Variants in SEC11A observed in about 807,000 individuals in gnomAD.
The protein encoded by SEC11A is SEC11 homolog A, signal peptidase complex subunit.
In SEC11A, 14 loss-of-function variants were observed where a neutral mutation model predicts 25.6. That is an observed-to-expected ratio of 0.55 (90% CI 0.36 to 0.85). The LOEUF is 0.85. Among genes scored for constraint, SEC11A ranks in the 40% least tolerant of loss-of-function variants. The pLI, the probability that SEC11A is intolerant of heterozygous loss-of-function variation, is 0.01. For missense variants in SEC11A, 153 were observed against 222.9 expected (o/e 0.69, Z 2.00); for synonymous variants, 83 against 76.4 (o/e 1.09, Z -0.45).
At chr15:84,714,951 G>C (rs1898410378) in intron 1 of SEC11A, 1 of 152,130 alleles carries the variant, frequency 6.6e-6, no homozygotes, top group South Asian at 2.1e-4. Flanking sequence ...TCCAAATATG[G>C]ATTAAAAAAA....
At chr15:84,692,468 T>A (rs1897639606) in intron 1 of SEC11A, among the ~76,000 whole-genome samples, 1 of 152,220 alleles carries the variant, frequency 6.6e-6, no homozygotes, top group South Asian at 2.1e-4. Context: ...AGCTTATCAG[T>A]CACATAGTCA....
chr15:84,679,008 C>CA (rs1189311572), intron 4 of SEC11A, among the ~76,000 whole-genome samples: 3 of 147,250 alleles, frequency 2.0e-5, no homozygotes, highest in Non-Finnish European at 4.5e-5. Context: ...AAAAAAAAGG[C>CA]AAAAAAAAGT....
intron 1 of SEC11A, among the ~76,000 whole-genome samples, chr15:84,698,291 G>A (rs1278251740): frequency 6.6e-6 from 1 of 152,142 alleles, no homozygotes. Context: ...CAACATATAA[G>A]ATATGTTCAT....
chr15:84,674,566 A>T (rs539004574), intron 4 of SEC11A, among the ~76,000 whole-genome samples: 54 of 143,430 alleles, frequency 3.8e-4, no homozygotes, highest in South Asian at 6.6e-4. Context: ...AAAAAAAAAA[A>T]TTTTTTTTTT....
intron 1 of SEC11A, among the ~76,000 whole-genome samples, chr15:84,693,788 G>C (rs1048369220): frequency 2.6e-5 from 4 of 152,000 alleles, no homozygotes; most frequent in African/African-American, 9.7e-5. Flanking sequence ...ATGTGATAAT[G>C]GTGTTGTGGT....
Position 84,669,942 on chromosome 15 carries a change from A to T in SEC11A, c.*77T>A. 1 of 1,606,736 alleles carries T rather than the reference A, an allele frequency of 6.2e-7. No individual in the cohort carries two copies. Among genetic ancestry groups the T allele is most frequent in the Non-Finnish European group, 8.5e-7 (1 of 1,176,774 alleles). ...AACACGTGTGTTCTCCATTCCACCAATCACAGACCAGTATCTACTCCAAAC... is the reference window on the plus strand; with the variant it reads ...AACACGTGTGTTCTCCATTCCACCATTCACAGACCAGTATCTACTCCAAAC... On this transcript the variant is annotated 3_prime_UTR_variant, in exon 6 of 6. Transcript: ENST00000268220.
At chr15:84,692,874 C>CTTACTCT (rs1197877069) in intron 1 of SEC11A, among the ~76,000 whole-genome samples, 2 of 152,216 alleles carry the variant, frequency 1.3e-5, no homozygotes, top group Non-Finnish European at 2.9e-5. Flanking sequence ...TTCAAAAGGT[C>CTTACTCT]TTACTCTGTT....
At chr15:84,710,672 TTAAA>T (rs1262912404) in intron 1 of SEC11A, among the ~76,000 whole-genome samples, 13 of 152,058 alleles carry the variant, frequency 8.5e-5, no homozygotes, top group Admixed American at 3.9e-4. Flanking sequence ...TTGCTACACT[TTAAA>T]TAGGATAAGA....
At chr15:84,712,317 C>A (rs1347493815) in intron 1 of SEC11A, among the ~76,000 whole-genome samples, 2 of 152,094 alleles carry the variant, frequency 1.3e-5, no homozygotes, top group Non-Finnish European at 2.9e-5. Context: ...ACACTGACAA[C>A]ATGAAATACT....
intron 5 of SEC11A, 158 bp downstream of exon 5, chr15:84,670,567 A>T (rs372597398): frequency 3.9e-5 from 17 of 434,216 alleles, no homozygotes; most frequent in African/African-American, 3.6e-4. Context: ...TTTAATAGAG[A>T]CGGGGTTTCG....
At chr15:84,691,363 C>T (rs912971827) in intron 2 of SEC11A, among the ~76,000 whole-genome samples, 172 bp downstream of exon 2, 6 of 152,122 alleles carry the variant, frequency 3.9e-5, no homozygotes, top group Non-Finnish European at 8.8e-5. Context: ...CATAAGCCAC[C>T]GTGCCCAGCC....
chr15:84,704,883 G>C (rs1284666886), intron 1 of SEC11A, among the ~76,000 whole-genome samples: 1 of 151,094 alleles, frequency 6.6e-6, no homozygotes, highest in Non-Finnish European at 1.5e-5. Flanking sequence ...CATCCTGGAG[G>C]ATAGTAGCTG....
chr15:84,670,844 A>G (rs1281457142), intron 4 of SEC11A, 62 bp from the exon 5 acceptor site: 4 of 738,664 alleles, frequency 5.4e-6, no homozygotes, highest in Non-Finnish European at 8.9e-6. Flanking sequence ...GTTGTCACTC[A>G]CTGAATATTA....
At chr15:84,696,162 C>G (rs540678194) in intron 1 of SEC11A, among the ~76,000 whole-genome samples, 2 of 152,246 alleles carry the variant, frequency 1.3e-5, no homozygotes, top group African/African-American at 2.4e-5. Flanking sequence ...TACTTTGACA[C>G]TCACATTTAC....
intron 4 of SEC11A, chr15:84,671,768 C>A (rs1896989380): frequency 6.6e-6 from 1 of 152,142 alleles, no homozygotes; most frequent in South Asian, 2.1e-4. Flanking sequence ...GTACATCCTG[C>A]CTGATTGAAT....
intron 1 of SEC11A, among the ~76,000 whole-genome samples, chr15:84,694,567 C>T (rs1897704409): frequency 6.6e-6 from 1 of 152,052 alleles, no homozygotes; most frequent in Admixed American, 6.6e-5. Context: ...CTACATCAAC[C>T]ATTTTCATCT....
intron 1 of SEC11A, among the ~76,000 whole-genome samples, chr15:84,698,944 T>C (rs1897843312): frequency 6.6e-6 from 1 of 152,228 alleles, no homozygotes; most frequent in Admixed American, 6.5e-5. Flanking sequence ...AATCGTAGTA[T>C]TTCCACAAAA....
intron 4 of SEC11A, among the ~76,000 whole-genome samples, chr15:84,678,016 C>T (rs1371644706): frequency 2.0e-5 from 3 of 151,918 alleles, no homozygotes; most frequent in African/African-American, 7.3e-5. Flanking sequence ...GCCAACATGG[C>T]GAAAACCCAT....
At chr15:84,670,258 CT>C (rs71132694) in intron 5 of SEC11A, 189 bp from the exon 6 acceptor site, 71,387 of 289,802 alleles carry the variant, frequency 0.25, 2,652 homozygotes, top group Middle Eastern at 0.35. Context: ...AAATAATTTT[CT>C]TTTTTTTTTT....
Sources: allele counts gnomAD v4.1 joint callset (sites outside exome capture counted in the v4.1 genomes callset), GRCh38; gene constraint gnomAD v4.1.1; transcripts MANE v1.5; gene names NCBI Gene and HGNC (gene_info 2026-07-23, HGNC 2026-07-21).